AKAP6: variants seen among roughly 807,000 people sequenced by gnomAD.
AKAP6 encodes the protein A-kinase anchoring protein 6.
In AKAP6, 58 loss-of-function variants were observed where a neutral mutation model predicts 188.5. That is an observed-to-expected ratio of 0.31 (90% CI 0.25 to 0.38). The LOEUF is 0.38. Among genes scored for constraint, AKAP6 ranks in the 10% least tolerant of loss-of-function variants. The pLI, the probability that AKAP6 is intolerant of heterozygous loss-of-function variation, is 1.00. For synonymous variants in AKAP6, 989 were observed against 998.6 expected (o/e 0.99, Z 0.18); for missense variants, 2,710 against 2,740.0 (o/e 0.99, Z 0.24).
At chr14:32,362,200 G>A (rs1001504020) in intron 1 of AKAP6, among the ~76,000 whole-genome samples, 2 of 152,092 alleles carry the variant, frequency 1.3e-5, no homozygotes, top group Non-Finnish European at 2.9e-5. Context: ...TTTTTGCATA[G>A]TTCCAGGCAT....
At chr14:32,671,097 T>C (rs1404150073) in intron 7 of AKAP6, among the ~76,000 whole-genome samples, 2 of 152,140 alleles carry the variant, frequency 1.3e-5, no homozygotes, top group Non-Finnish European at 2.9e-5. Flanking sequence ...GATAAGTATG[T>C]AGGAAAGAGG....
intron 7 of AKAP6, among the ~76,000 whole-genome samples, chr14:32,626,218 A>G (rs1440700560): frequency 6.6e-6 from 1 of 152,094 alleles, no homozygotes; most frequent in African/African-American, 2.4e-5. Flanking sequence ...TTTATTTTAC[A>G]GAAGAGCTTC....
chr14:32,748,318 A>T (rs1177742277), intron 11 of AKAP6, among the ~76,000 whole-genome samples: 1 of 152,152 alleles, frequency 6.6e-6, no homozygotes, highest in African/African-American at 2.4e-5. Context: ...TCTTCCTGAA[A>T]GCTCCAGGTT....
At chr14:32,812,334 A>C (rs1244564379) in intron 12 of AKAP6, among the ~76,000 whole-genome samples, 2 of 152,236 alleles carry the variant, frequency 1.3e-5, no homozygotes, top group East Asian at 3.8e-4. Flanking sequence ...TCTATGTAAT[A>C]CTAAAGAGGT....
chr14:32,585,621 C>T (rs947002472), intron 5 of AKAP6, among the ~76,000 whole-genome samples: 4 of 151,932 alleles, frequency 2.6e-5, no homozygotes, highest in South Asian at 2.1e-4. Context: ...AGAGAGGTAA[C>T]GATAGATTAT....
At position 32,832,860 on chromosome 14, in the gene AKAP6, C is replaced by T. The variant is rs908463469; in HGVS notation, c.*3055C>T. 6.6e-6 allele frequency: 1 copy of T among 152,538 alleles called. No individual in the cohort carries two copies. 9.4% of individuals were successfully genotyped at this position (152,538 alleles called of 1,614,324 possible). ...TCCCAACCACTGTTTCCTCAACTGC[C>T]CTTCATATGTCATGGTTTTCAGATC... On this transcript the variant is annotated 3_prime_UTR_variant, in exon 14 of 14. Coordinates refer to ENST00000280979, the MANE Select transcript of AKAP6 (RefSeq NM_004274.5).
At chr14:32,771,252 C>T (rs1246086688) in intron 11 of AKAP6, among the ~76,000 whole-genome samples, 2 of 151,478 alleles carry the variant, frequency 1.3e-5, no homozygotes, top group Non-Finnish European at 2.9e-5. Context: ...ATTTTCCCCT[C>T]CTTTTTAAAA....
At chr14:32,531,057 C>G (rs1233566365) in intron 2 of AKAP6, among the ~76,000 whole-genome samples, 3 of 152,282 alleles carry the variant, frequency 2.0e-5, no homozygotes, top group Middle Eastern at 3.4e-3. Context: ...AGCAAGGTAT[C>G]TGGAAGGTTG....
chr14:32,589,556 ATAGTGTTAGC>A (rs571500144), intron 5 of AKAP6, among the ~76,000 whole-genome samples: 51 of 152,146 alleles, frequency 3.4e-4, no homozygotes, highest in Non-Finnish European at 4.0e-4. Context: ...TAGAAGACAA[ATAGTGTTAGC>A]TTCCCTTTTC....
chr14:32,458,061 A>G (rs558300268), intron 2 of AKAP6, among the ~76,000 whole-genome samples: 60 of 152,356 alleles, frequency 3.9e-4, no homozygotes, highest in South Asian at 3.3e-3. Flanking sequence ...GCAAATACAT[A>G]TAAGTATATA....
chr14:32,410,950 C>A (rs1188962766), intron 1 of AKAP6, among the ~76,000 whole-genome samples: 1 of 152,146 alleles, frequency 6.6e-6, no homozygotes, highest in African/African-American at 2.4e-5. Context: ...CTGTGCTCAA[C>A]CATGCATAAC....
intron 2 of AKAP6, among the ~76,000 whole-genome samples, chr14:32,466,846 T>TATATATATATATATATATATATATATATA (rs879653303): frequency 8.4e-5 from 12 of 142,606 alleles, no homozygotes; most frequent in African/African-American, 3.3e-4. Context: ...TATATATATA[T>TATATATATATATATATATATATATATATA]TTTCTTTCTT....
intron 7 of AKAP6, among the ~76,000 whole-genome samples, chr14:32,647,182 AT>A (rs1325761820): frequency 6.6e-6 from 1 of 152,116 alleles, no homozygotes; most frequent in Non-Finnish European, 1.5e-5. Context: ...TAAAAATGAA[AT>A]GTGACAATTT....
At chr14:32,355,297 A>G (rs910838474) in intron 1 of AKAP6, among the ~76,000 whole-genome samples, 28 of 152,180 alleles carry the variant, frequency 1.8e-4, no homozygotes, top group Non-Finnish European at 2.6e-4. Context: ...TTGTATGTAA[A>G]TCCTGCAATG....
intron 2 of AKAP6, among the ~76,000 whole-genome samples, chr14:32,487,025 A>G (rs1246672595): frequency 2.6e-5 from 4 of 152,186 alleles, no homozygotes; most frequent in Admixed American, 6.5e-5. Flanking sequence ...TTTTAGCATG[A>G]AGTGGTGTTG....
intron 9 of AKAP6, chr14:32,726,332 C>T (rs2030873565): frequency 2.0e-6 from 1 of 510,106 alleles, no homozygotes; most frequent in South Asian, 8.5e-5. Context: ...TAAAAGGTTG[C>T]TTGGTTGAAA....
intron 11 of AKAP6, among the ~76,000 whole-genome samples, chr14:32,770,243 AG>A (rs1439331319): frequency 6.6e-6 from 1 of 152,182 alleles, no homozygotes; most frequent in Non-Finnish European, 1.5e-5. Flanking sequence ...ATCATTATAA[AG>A]GGGGAAAAAA....
intron 7 of AKAP6, among the ~76,000 whole-genome samples, chr14:32,613,685 C>T (rs1051892871): frequency 6.6e-6 from 1 of 152,118 alleles, no homozygotes; most frequent in African/African-American, 2.4e-5. Flanking sequence ...GAATTTTCCT[C>T]CTTAAGACTT....
chr14:32,750,040 G>T (rs1286395404), intron 11 of AKAP6, among the ~76,000 whole-genome samples: 4 of 152,026 alleles, frequency 2.6e-5, no homozygotes, highest in Non-Finnish European at 5.9e-5. Context: ...TTATTTCCTT[G>T]ATTAAGATTA....
Sources: allele counts gnomAD v4.1 joint callset (sites outside exome capture counted in the v4.1 genomes callset), GRCh38; gene constraint gnomAD v4.1.1; transcripts MANE v1.5; gene names NCBI Gene and HGNC (gene_info 2026-07-23, HGNC 2026-07-21).